Variants in ENDOV observed in about 807,000 individuals in gnomAD.
ENDOV encodes the protein hEndoV.
Under a neutral mutation model 39.4 loss-of-function variants are expected in ENDOV, and 37 were observed. The observed-to-expected ratio is 0.94, with a 90% CI of 0.72 to 1.23. The LOEUF is 1.23. Ranked by LOEUF, ENDOV falls within the 50% of genes most tolerant of loss-of-function variation. The probability of loss-of-function intolerance (pLI) is 0.00; values close to 1 mark genes in which losing one functional copy is unlikely to be tolerated. For missense variants in ENDOV, 441 were observed against 375.7 expected (o/e 1.17, Z -1.44); for synonymous variants, 186 against 163.4 (o/e 1.14, Z -1.05).
chr17:80,420,548 T>G (rs2081871879), intron 2 of ENDOV: 1 of 152,258 alleles, frequency 6.6e-6, no homozygotes, highest in Non-Finnish European at 1.5e-5. Flanking sequence ...GTGTGTTTAA[T>G]TATTGATCCA....
intron 9 of ENDOV, among the ~76,000 whole-genome samples, chr17:80,434,376 G>A (rs2083486941): frequency 6.6e-6 from 1 of 152,110 alleles, no homozygotes; most frequent in Non-Finnish European, 1.5e-5. Context: ...TTCCATTCAG[G>A]GCTTTTGTGA....
At chr17:80,432,966 A>C (rs1188749064) in intron 9 of ENDOV, among the ~76,000 whole-genome samples, 1 of 152,170 alleles carries the variant, frequency 6.6e-6, no homozygotes, top group Non-Finnish European at 1.5e-5. Context: ...CCTGGTGTCC[A>C]GGATGCCATG....
At chr17:80,426,401 C>A (rs1269753860) in intron 7 of ENDOV, among the ~76,000 whole-genome samples, 2 of 152,214 alleles carry the variant, frequency 1.3e-5, no homozygotes, top group East Asian at 3.9e-4. Flanking sequence ...GTAACCCCAA[C>A]ACTTTGGGAG....
intron 9 of ENDOV, among the ~76,000 whole-genome samples, chr17:80,432,778 G>A (rs537688293): frequency 3.9e-5 from 6 of 152,016 alleles, no homozygotes; most frequent in East Asian, 1.9e-4. Context: ...GGGGCGTGTG[G>A]GGGTCTAGGC....
intron 4 of ENDOV, among the ~76,000 whole-genome samples, chr17:80,423,256 C>G (rs1369188988): frequency 2.0e-5 from 3 of 152,234 alleles, no homozygotes; most frequent in Non-Finnish European, 4.4e-5. Context: ...CTGCAGTATC[C>G]CAGCACGCCA....
intron 5 of ENDOV, chr17:80,423,922 C>A (rs1001587086): frequency 2.2e-6 from 1 of 463,234 alleles, no homozygotes; most frequent in African/African-American, 2.0e-5. Context: ...CCTCCAGTTA[C>A]TGGGGACAGG....
chr17:80,417,017 A>G (rs1304476884), intron 2 of ENDOV: 1 of 152,206 alleles, frequency 6.6e-6, no homozygotes, highest in Non-Finnish European at 1.5e-5. Context: ...GGCCTCCCCA[A>G]GTGCTGAGAT....
At chr17:80,433,313 C>CA (rs1380787603) in intron 9 of ENDOV, among the ~76,000 whole-genome samples, 4 of 152,236 alleles carry the variant, frequency 2.6e-5, no homozygotes, top group Admixed American at 1.3e-4. Context: ...GGAGCCTTGG[C>CA]ACATGGTGAG....
chr17:80,415,866 C>T (rs1287541681), intron 2 of ENDOV, 45 bp downstream of exon 2: 1 of 1,553,172 alleles, frequency 6.4e-7, no homozygotes, highest in South Asian at 1.2e-5. Flanking sequence ...CCTCGGTGGG[C>T]TCGGGCGTGC....
intron 4 of ENDOV, among the ~76,000 whole-genome samples, chr17:80,422,643 G>C (rs1478568173): frequency 6.6e-6 from 1 of 152,220 alleles, no homozygotes; most frequent in Non-Finnish European, 1.5e-5. Context: ...CTAGACAGGT[G>C]TACCCAGGCC....
rs560797128 is a variant in ENDOV, at chr17:80,437,827, C to T, written c.*1684C>T. ...ATGAGAAAATGTTGGCCAAGGTTAG[C>T]GATTATGCTTCTGTAATCTGTAACC... On this transcript the variant is annotated 3_prime_UTR_variant, in exon 10 of 10. Coordinates refer to ENST00000518137, the MANE Select transcript of ENDOV (RefSeq NM_173627.5). 6.6e-6 allele frequency: 1 copy of T among 152,322 alleles called. No individual in the cohort carries two copies. Among genetic ancestry groups the T allele is most frequent in the South Asian group, 2.1e-4 (1 of 4,818 alleles). 9.4% of individuals were successfully genotyped at this position (152,322 alleles called of 1,614,324 possible). A position where few individuals can be genotyped will look rare whatever the true frequency, so the allele number is the denominator to read the frequency against.
intron 2 of ENDOV, among the ~76,000 whole-genome samples, chr17:80,420,984 GTCT>G (rs1486227769): frequency 2.0e-5 from 3 of 151,890 alleles, no homozygotes; most frequent in South Asian, 2.1e-4. Context: ...CCAACACTGT[GTCT>G]TCTTTAAGCC....
rs530814378 is a variant in ENDOV at position 80,431,647 on chromosome 17, G to A, written c.838+1816G>A. On this transcript the variant is annotated intron_variant, in intron 9 of 9. Transcript: ENST00000518137. ...GCCCTCCATGCTTCAGGGTGTCAGT[G>A]GCCCCGGACTGGCCTCACTCAGCCC... is the stretch of plus-strand genomic sequence containing the variant. Among the ~76,000 whole-genome samples, 91 of 152,144 alleles carry A rather than the reference G, an allele frequency of 6.0e-4. 1 individual carries two copies. The highest frequency in any genetic ancestry group is 2.0e-3 in the African/African-American group (82 of 41,556).
intron 9 of ENDOV, among the ~76,000 whole-genome samples, chr17:80,431,480 G>A (rs182706067): frequency 6.6e-6 from 1 of 152,218 alleles, no homozygotes; most frequent in Non-Finnish European, 1.5e-5. Flanking sequence ...GGGGCTCTGC[G>A]GGCACCTTGT....
rs144138035 is a variant in ENDOV, at chr17:80,429,972, C to T, written c.838+141C>T. On this transcript the variant is annotated intron_variant, in intron 9 of 9. Transcript: ENST00000518137. ...CAAGAAGGCCACCGGCCACCCCGTT[C>T]TGGCCTCAGGACACTGACCACCCCT... 6.9e-5 allele frequency: 107 copies of T among 1,549,762 alleles called. No individual in the cohort carries two copies. In the East Asian group the frequency reaches 2.2e-3, roughly 31 times the overall value.
rs2083647011 is a variant in ENDOV, at chr17:80,438,016, T to A, written c.*1873T>A. The A allele has an allele frequency of 6.6e-6, 1 of 152,184 alleles. No individual in the cohort carries two copies. Among genetic ancestry groups the A allele is most frequent in the Non-Finnish European group, 1.5e-5 (1 of 68,038 alleles). 9.4% of individuals were successfully genotyped at this position (152,184 alleles called of 1,614,324 possible). A position where few individuals can be genotyped will look rare whatever the true frequency, so the allele number is the denominator to read the frequency against. ...TCAAACAGGAGCTCTCTAAGGCTGC[T>A]CCCGGGCTGGGACCTGGGTCTAGGA... On this transcript the variant is annotated 3_prime_UTR_variant, in exon 10 of 10. Coordinates refer to ENST00000518137, the MANE Select transcript of ENDOV (RefSeq NM_173627.5).
intron 2 of ENDOV, among the ~76,000 whole-genome samples, chr17:80,420,776 C>T (rs1409203826): frequency 6.6e-6 from 1 of 152,254 alleles, no homozygotes; most frequent in Non-Finnish European, 1.5e-5. Context: ...CTCCTGGGTT[C>T]AAGCAGTTCT....
chr17:80,430,495 A>T, intron 9 of ENDOV: 1 of 750,646 alleles, frequency 1.3e-6, no homozygotes, highest in African/African-American at 1.8e-5. Flanking sequence ...CTCTGCCCTG[A>T]CACGGGAGGG....
chr17:80,433,645 A>C (rs1174969945), intron 9 of ENDOV, among the ~76,000 whole-genome samples: 1 of 152,334 alleles, frequency 6.6e-6, no homozygotes, highest in East Asian at 1.9e-4. Context: ...GGCATGTGGT[A>C]GGCTTTGCAC....
Sources: allele counts gnomAD v4.1 joint callset (sites outside exome capture counted in the v4.1 genomes callset), GRCh38; gene constraint gnomAD v4.1.1; transcripts MANE v1.5; gene names NCBI Gene and HGNC (gene_info 2026-07-23, HGNC 2026-07-21).